The following CORIN variants were observed in gnomAD, a reference collection of about 807,000 sequenced individuals.
The protein encoded by CORIN is corin, serine peptidase, also known as atrial natriuretic peptide-converting enzyme.
CORIN carries 117 observed loss-of-function variants against 125.3 expected under a neutral mutation model. The observed-to-expected ratio is 0.93, with a 90% CI of 0.80 to 1.09. The LOEUF is 1.09. Ranked by LOEUF, CORIN falls within the 50% of genes least tolerant of loss-of-function variation. CORIN has a pLI of 0.00. For synonymous variants in CORIN, 450 were observed against 466.4 expected (o/e 0.96, Z 0.45); for missense variants, 1,253 against 1,306.7 (o/e 0.96, Z 0.63).
At chr4:47,809,059 G>C (rs971150749) in intron 1 of CORIN, among the ~76,000 whole-genome samples, 4 of 152,162 alleles carry the variant, frequency 2.6e-5, no homozygotes, top group Non-Finnish European at 5.9e-5. Context: ...ATTGTAGAGA[G>C]AGCAACCCTG....
intron 19 of CORIN, among the ~76,000 whole-genome samples, chr4:47,608,979 T>C (rs533937050): frequency 5.4e-4 from 82 of 151,182 alleles, no homozygotes; most frequent in African/African-American, 2.0e-3. Context: ...TCTCTGACTT[T>C]GCTTAGAATA....
Position 47,723,832 on chromosome 4 carries a change from T to C in CORIN, c.799+20570A>G, listed in dbSNP as rs150449520. Among the ~76,000 whole-genome samples, 1,331 of 151,656 alleles carry C rather than the reference T, an allele frequency of 8.8e-3. 22 individuals carry two copies. Among genetic ancestry groups the C allele is most frequent in the African/African-American group, 0.03 (1,255 of 41,328 alleles). On this transcript the variant is annotated intron_variant, in intron 5 of 21. Coordinates refer to ENST00000273857, the MANE Select transcript of CORIN (RefSeq NM_006587.4). ...TAACACGGTGAAACCCTGTCTCTAC[T>C]AAAAATACAAAAAATTAGCCAGGCA...
At chr4:47,715,491 G>A (rs558219554) in intron 5 of CORIN, among the ~76,000 whole-genome samples, 6 of 152,286 alleles carry the variant, frequency 3.9e-5, no homozygotes, top group African/African-American at 1.4e-4. Flanking sequence ...TGTAGTCCCA[G>A]CTACTCGGGA....
At chr4:47,622,922 T>G (rs1722379747) in intron 19 of CORIN, among the ~76,000 whole-genome samples, 1 of 152,046 alleles carries the variant, frequency 6.6e-6, no homozygotes, top group South Asian at 2.1e-4. Flanking sequence ...GTGATCACTC[T>G]TCCTCGGAGC....
chr4:47,791,675 A>G (rs1185307227), intron 2 of CORIN, among the ~76,000 whole-genome samples: 1 of 152,208 alleles, frequency 6.6e-6, no homozygotes, highest in Admixed American at 6.5e-5. Flanking sequence ...ATACATATAC[A>G]CACACTTTTC....
At chr4:47,623,096 C>CTCTCTCTCTATATATATATATA (rs771867590) in intron 19 of CORIN, among the ~76,000 whole-genome samples, 3 of 102,300 alleles carry the variant, frequency 2.9e-5, no homozygotes, top group African/African-American at 8.6e-5. Context: ...CTCTCTCTCT[C>CTCTCTCTCTATATATATATATA]TATATATATA....
chr4:47,706,941 C>T (rs1239233479), intron 5 of CORIN: 3 of 1,599,006 alleles, frequency 1.9e-6, no homozygotes, highest in African/African-American at 2.7e-5. Flanking sequence ...TCTCGCCGGG[C>T]AGCTTGGAGA....
At chr4:47,697,726 A>G (rs1179874886) in intron 5 of CORIN, among the ~76,000 whole-genome samples, 1 of 152,098 alleles carries the variant, frequency 6.6e-6, no homozygotes, top group African/African-American at 2.4e-5. Context: ...CAAAAAATAA[A>G]ATAAAATAAA....
chr4:47,736,691 A>G (rs1474486531), intron 5 of CORIN, among the ~76,000 whole-genome samples: 1 of 149,836 alleles, frequency 6.7e-6, no homozygotes, highest in Non-Finnish European at 1.5e-5. Context: ...GTGTCTATGT[A>G]TTCTTATCAT....
At chr4:47,691,799 G>A (rs17654278) in intron 6 of CORIN, among the ~76,000 whole-genome samples, 19,370 of 151,836 alleles carry the variant, frequency 0.13, 1,567 homozygotes, top group East Asian at 0.28. Context: ...GGGAAACACT[G>A]ACCTGAAATG....
At chr4:47,634,734 C>T (rs751605626) in intron 16 of CORIN, among the ~76,000 whole-genome samples, 38 of 152,210 alleles carry the variant, frequency 2.5e-4, no homozygotes, top group Non-Finnish European at 4.1e-4. Context: ...GGCAGTAAGA[C>T]ACTTTGATTG....
intron 5 of CORIN, among the ~76,000 whole-genome samples, chr4:47,734,845 C>T (rs1211813151): frequency 1.3e-5 from 2 of 152,216 alleles, no homozygotes; most frequent in Non-Finnish European, 2.9e-5. Flanking sequence ...CCCCTGTTCT[C>T]ACAGTTGTGA....
rs1211149728 is a variant in CORIN, at chr4:47,698,738, TGCTGGATGTACAA to T, written c.800-5668_800-5656del. ...GTGGAGGTACTGAGACATGAGTGGA[TGCTGGATGTACAA>T]GCCATGTACCACGTAACAACATTTT... On this transcript the variant is annotated intron_variant, in intron 5 of 21. Transcript: ENST00000273857. Among the ~76,000 whole-genome samples, 3 of 152,190 alleles carry T rather than the reference TGCTGGATGTACAA, an allele frequency of 2.0e-5. No individual in the cohort carries two copies. The South Asian group carries it at 6.2e-4, about 31-fold the overall frequency.
intron 6 of CORIN, among the ~76,000 whole-genome samples, chr4:47,692,690 A>G (rs1029107801): frequency 1.7e-4 from 26 of 152,274 alleles, no homozygotes; most frequent in African/African-American, 5.8e-4. Context: ...GAAAATTCTC[A>G]CCCAATCAAA....
chr4:47,758,697 G>A (rs114152620), intron 4 of CORIN, among the ~76,000 whole-genome samples: 4,672 of 152,254 alleles, frequency 0.031, 102 homozygotes, highest in Non-Finnish European at 0.048. Context: ...AATCATAGGG[G>A]CAGTTACCCC....
At position 47,714,076 on chromosome 4, in the gene CORIN, T is replaced by C. The variant is rs568540657; in HGVS notation, c.800-20993A>G. Among the ~76,000 whole-genome samples the C allele has an allele frequency of 9.2e-5, 14 of 152,286 alleles. No homozygotes were observed. The South Asian group carries it at 2.9e-3, about 32-fold the overall frequency. On this transcript the variant is annotated intron_variant, in intron 5 of 21. Coordinates refer to ENST00000273857, the MANE Select transcript of CORIN (RefSeq NM_006587.4). ...TGGAACTGGGTTCAAGCACCAGCTC[T>C]GCCTCTTACCAGCTGTCTCTGAGTC...
intron 1 of CORIN, among the ~76,000 whole-genome samples, chr4:47,823,209 C>T (rs543215343): frequency 1.4e-4 from 22 of 152,280 alleles, no homozygotes; most frequent in African/African-American, 4.8e-4. Context: ...TTACTTAGAT[C>T]CTCAATTTGC....
intron 5 of CORIN, among the ~76,000 whole-genome samples, chr4:47,742,566 C>T (rs1284502522): frequency 6.6e-6 from 1 of 151,906 alleles, no homozygotes; most frequent in Non-Finnish European, 1.5e-5. Context: ...ACCTATAACA[C>T]ATAATTGAGA....
intron 14 of CORIN, among the ~76,000 whole-genome samples, chr4:47,643,775 C>G (rs779147846): frequency 2.0e-5 from 3 of 152,118 alleles, no homozygotes; most frequent in Non-Finnish European, 4.4e-5. Context: ...TTTCTCCCTC[C>G]TTTCTTTAAG....
Sources: allele counts gnomAD v4.1 joint callset (sites outside exome capture counted in the v4.1 genomes callset), GRCh38; gene constraint gnomAD v4.1.1; transcripts MANE v1.5; gene names NCBI Gene and HGNC (gene_info 2026-07-23, HGNC 2026-07-21).